The following RIMS3 variants were observed in gnomAD, a reference collection of about 807,000 sequenced individuals.
RIMS3 encodes regulating synaptic membrane exocytosis protein 3.
A neutral mutation model predicts 29.2 loss-of-function variants in RIMS3; 15 were observed. The observed-to-expected ratio is 0.51, with a 90% CI of 0.34 to 0.79. The LOEUF is 0.79. Among genes scored for constraint, RIMS3 ranks in the 30% least tolerant of loss-of-function variants. The pLI, the probability that RIMS3 is intolerant of heterozygous loss-of-function variation, is 0.01. For missense variants in RIMS3, 342 were observed against 421.4 expected, an observed-to-expected ratio of 0.81 and a Z score of 1.65; for synonymous variants, 161 against 170.1, an observed-to-expected ratio of 0.95 and a Z score of 0.41.
At chr1:40,681,422 C>T in the RIMS3 span, 1 of 152,214 alleles carries the variant, frequency 6.6e-6, no homozygotes, top group Non-Finnish European at 1.5e-5. Flanking sequence ...TCCTTCTGCT[C>T]CCTGGCTCCC....
upstream of RIMS3, among the ~76,000 whole-genome samples, chr1:40,665,894 C>T (rs375190525): frequency 5.9e-5 from 9 of 152,256 alleles, no homozygotes; most frequent in East Asian, 1.2e-3. Flanking sequence ...CTCCGTGTCC[C>T]TAGGACTCTC....
At chr1:40,638,261 A>G (rs1412531996) in intron 3 of RIMS3, among the ~76,000 whole-genome samples, 2 of 152,072 alleles carry the variant, frequency 1.3e-5, no homozygotes, top group African/African-American at 4.8e-5. Flanking sequence ...CATCTAGCTG[A>G]GAGGTGATTC....
At chr1:40,647,425 A>T (rs776911170) in intron 2 of RIMS3, among the ~76,000 whole-genome samples, 82 of 152,322 alleles carry the variant, frequency 5.4e-4, no homozygotes, top group Non-Finnish European at 7.8e-4. Context: ...ACAGGGCACC[A>T]GCACCAGCTG....
At chr1:40,687,850 G>C in the RIMS3 span, among the ~76,000 whole-genome samples, 3 of 152,044 alleles carry the variant, frequency 2.0e-5, no homozygotes, top group Non-Finnish European at 4.4e-5. Context: ...TCAAGACCCA[G>C]TTCAAATGTC....
At chr1:40,665,730 G>T, upstream of RIMS3, 1 of 153,036 alleles carries the variant, frequency 6.5e-6, no homozygotes, top group South Asian at 1.8e-4. Flanking sequence ...GCCTGCCGGG[G>T]GCGGGGCCGC....
intron 1 of RIMS3, among the ~76,000 whole-genome samples, chr1:40,656,509 C>T (rs551689207): frequency 1.4e-4 from 22 of 152,082 alleles, no homozygotes; most frequent in Non-Finnish European, 2.4e-4. Flanking sequence ...AGAGGCCGGG[C>T]GCGGTGGCTC....
the RIMS3 span, chr1:40,691,501 T>C: frequency 6.6e-6 from 2 of 304,078 alleles, no homozygotes; most frequent in Non-Finnish European, 1.3e-5. Flanking sequence ...CGCCTCCGGA[T>C]CCCCCGAAAG....
At chr1:40,642,186 G>C in intron 2 of RIMS3, among the ~76,000 whole-genome samples, 1 of 152,210 alleles carries the variant, frequency 6.6e-6, no homozygotes, top group East Asian at 1.9e-4. Flanking sequence ...CGGTTTGATG[G>C]AGAGGACCGA....
the RIMS3 span, chr1:40,690,361 A>C: frequency 2.6e-5 from 2 of 77,932 alleles, no homozygotes; most frequent in African/African-American, 1.4e-4. Context: ...TGTCATTATA[A>C]GTAACTTTTT....
At chr1:40,670,777 T>C in the RIMS3 span, among the ~76,000 whole-genome samples, 1 of 151,130 alleles carries the variant, frequency 6.6e-6, no homozygotes, top group South Asian at 2.1e-4. Flanking sequence ...TTTGTAGAGA[T>C]GGGGTTTCAC....
chr1:40,655,083 C>A (rs1213983494), intron 1 of RIMS3, among the ~76,000 whole-genome samples: 1 of 152,198 alleles, frequency 6.6e-6, no homozygotes, highest in Non-Finnish European at 1.5e-5. Flanking sequence ...CCACTGTGTC[C>A]TCCGAGGCCC....
the RIMS3 span, among the ~76,000 whole-genome samples, chr1:40,683,534 A>G: frequency 6.6e-6 from 1 of 152,256 alleles, no homozygotes; most frequent in Non-Finnish European, 1.5e-5. Context: ...TGCTGGTGCC[A>G]TGCTCTTGGG....
chr1:40,680,335 T>G, the RIMS3 span, among the ~76,000 whole-genome samples: 40 of 150,446 alleles, frequency 2.7e-4, no homozygotes, highest in Middle Eastern at 3.2e-3. Flanking sequence ...AAATAGTTTT[T>G]TTTTTTTTTT....
chr1:40,676,740 C>T, the RIMS3 span, among the ~76,000 whole-genome samples: 1 of 152,178 alleles, frequency 6.6e-6, no homozygotes, highest in African/African-American at 2.4e-5. Flanking sequence ...TGTGCCCTGC[C>T]TTCATCCTCC....
At chr1:40,638,690 C>T (rs930232294) in intron 3 of RIMS3, among the ~76,000 whole-genome samples, 2 of 152,112 alleles carry the variant, frequency 1.3e-5, no homozygotes, top group East Asian at 1.9e-4. Flanking sequence ...CCAGGATGGT[C>T]CTGTGTAGAC....
chr1:40,639,945 C>T (rs970898481), intron 3 of RIMS3, among the ~76,000 whole-genome samples: 20 of 152,192 alleles, frequency 1.3e-4, no homozygotes, highest in African/African-American at 4.6e-4. Flanking sequence ...TTCATCTCTT[C>T]TCAAGATGAA....
chr1:40,664,924 C>T (rs2148365396), intron 1 of RIMS3, among the ~76,000 whole-genome samples: 1 of 152,282 alleles, frequency 6.6e-6, no homozygotes, highest in African/African-American at 2.4e-5. Context: ...GTAAGCAGCA[C>T]TCCTTTTCTT....
At chr1:40,645,622 A>C (rs1646590124) in intron 2 of RIMS3, among the ~76,000 whole-genome samples, 1 of 152,150 alleles carries the variant, frequency 6.6e-6, no homozygotes, top group Admixed American at 6.5e-5. Flanking sequence ...TGAGCATCTA[A>C]GTTAGGGCAG....
chr1:40,638,859 C>A (rs145939295), intron 3 of RIMS3, among the ~76,000 whole-genome samples: 1 of 152,200 alleles, frequency 6.6e-6, no homozygotes, highest in African/African-American at 2.4e-5. Context: ...TGAGGCCCAG[C>A]GGAAAAGTAA....
Sources: gnomAD v4.1 joint callset for allele counts (sites outside exome capture counted in the v4.1 genomes callset) on GRCh38, gnomAD v4.1.1 for gene constraint, MANE v1.5 for transcripts, NCBI Gene and HGNC (gene_info 2026-07-23, HGNC 2026-07-21) for gene names.